The following TLCD4 variants were observed in gnomAD, a reference collection of about 807,000 sequenced individuals.
TLCD4 encodes TLC domain containing 4.
In TLCD4, 7 loss-of-function variants were observed where a neutral mutation model predicts 24.2. The ratio of observed to expected loss-of-function variants is 0.29; its 90% CI spans 0.16 to 0.54. The LOEUF (loss-of-function observed/expected upper bound fraction) is 0.54. TLCD4 is among the 20% of genes least tolerant of loss of function. The probability of loss-of-function intolerance (pLI) is 0.95; values close to 1 mark genes in which losing one functional copy is unlikely to be tolerated. For synonymous variants in TLCD4, 103 were observed against 106.4 expected (o/e 0.97, Z 0.20); for missense variants, 259 against 313.9 (o/e 0.82, Z 1.32).
intron 5 of TLCD4, among the ~76,000 whole-genome samples, chr1:95,167,531 G>A (rs1158301642): frequency 2.0e-5 from 3 of 152,036 alleles, no homozygotes; most frequent in African/African-American, 7.2e-5. Flanking sequence ...GGGGTCCAGG[G>A]TCTAAAACCC....
At chr1:95,179,650 C>T (rs1678563775) in intron 6 of TLCD4, among the ~76,000 whole-genome samples, 1 of 152,174 alleles carries the variant, frequency 6.6e-6, no homozygotes, top group African/African-American at 2.4e-5. Context: ...GAGCCTACAA[C>T]ATAGCTTAAG....
At chr1:95,102,753 A>G in the TLCD4 span, among the ~76,000 whole-genome samples, 1 of 152,166 alleles carries the variant, frequency 6.6e-6, no homozygotes, top group Non-Finnish European at 1.5e-5. Flanking sequence ...CAAAAGGTTA[A>G]TTGCAAAATT....
At chr1:95,156,144 A>G (rs1372278630) in intron 5 of TLCD4, among the ~76,000 whole-genome samples, 1 of 151,968 alleles carries the variant, frequency 6.6e-6, no homozygotes, top group Non-Finnish European at 1.5e-5. Flanking sequence ...TGCAGTTTAT[A>G]TAAGTTTTAC....
At chr1:95,106,791 G>C in the TLCD4 span, among the ~76,000 whole-genome samples, 1 of 152,166 alleles carries the variant, frequency 6.6e-6, no homozygotes, top group Non-Finnish European at 1.5e-5. Flanking sequence ...GGATGGCAAT[G>C]GGTAATTTTC....
rs1415539733 is a variant in TLCD4 at position 95,150,275 on chromosome 1, G to A, written c.304+9G>A. ...AGGCTACCTCATTTCTGGTATGTGA[G>A]ATGTTGTTTTATTGTCTAATTCCTT... On this transcript the variant is annotated intron_variant, in intron 4 of 6. Transcript: ENST00000370203. 1 of 1,609,668 alleles carries A rather than the reference G, an allele frequency of 6.2e-7. No individual in the cohort carries two copies. Among genetic ancestry groups the A allele is most frequent in the Non-Finnish European group, 8.5e-7 (1 of 1,179,276 alleles).
rs147949107 is a variant in TLCD4 at position 95,193,122 on chromosome 1, C to G, written c.*1254C>G. The stretch of plus-strand genomic sequence containing the variant: ...ATTATGCTCCTGAAATAGGCCTCTT[C>G]TTGATGAGACCCAAACTATTACAAA... On this transcript the variant is annotated 3_prime_UTR_variant, in exon 7 of 7. Coordinates refer to ENST00000370203, the MANE Select transcript of TLCD4 (RefSeq NM_152487.3). 1.3e-5 allele frequency: 2 copies of G among 152,208 alleles called. No individual in the cohort carries two copies. The highest frequency in any genetic ancestry group is 3.9e-4 in the East Asian group (2 of 5,190). 9.4% of individuals were successfully genotyped at this position (152,208 alleles called of 1,614,324 possible). A position where few individuals can be genotyped will look rare whatever the true frequency, so the allele number is the denominator to read the frequency against.
the TLCD4 span, among the ~76,000 whole-genome samples, chr1:95,106,458 T>C: frequency 4.6e-5 from 7 of 152,336 alleles, no homozygotes; most frequent in South Asian, 1.4e-3. Context: ...CCTACCACTT[T>C]GGCAGGCCGA....
At chr1:95,153,632 C>G (rs574819094) in intron 5 of TLCD4, among the ~76,000 whole-genome samples, 12 of 152,114 alleles carry the variant, frequency 7.9e-5, no homozygotes, top group African/African-American at 1.4e-4. Context: ...CCAATTCACA[C>G]GTAGTTTGCC....
At chr1:95,109,483 A>G in the TLCD4 span, among the ~76,000 whole-genome samples, 2 of 139,530 alleles carry the variant, frequency 1.4e-5, no homozygotes. Context: ...TTCTCATGTA[A>G]GTTTTGCATT....
chr1:95,149,832 C>A, intron 3 of TLCD4, among the ~76,000 whole-genome samples: 2 of 152,188 alleles, frequency 1.3e-5, no homozygotes, highest in East Asian at 3.9e-4. Flanking sequence ...ATGATTTACT[C>A]CAGGTCAAAT....
intron 5 of TLCD4, among the ~76,000 whole-genome samples, chr1:95,171,852 A>G (rs1476222229): frequency 3.3e-5 from 5 of 152,230 alleles, no homozygotes; most frequent in Admixed American, 1.3e-4. Flanking sequence ...CTTAGAATGT[A>G]ACCTCAGTTG....
chr1:95,117,889 A>G (rs1394314706), intron 1 of TLCD4: 2 of 150,628 alleles, frequency 1.3e-5, no homozygotes, highest in Admixed American at 6.6e-5. Flanking sequence ...TCCGGGAGCA[A>G]ATGGTGTCCC....
chr1:95,189,410 G>C (rs1195166218), intron 6 of TLCD4, among the ~76,000 whole-genome samples: 3 of 152,072 alleles, frequency 2.0e-5, no homozygotes, highest in African/African-American at 7.2e-5. Context: ...CTAATTGATT[G>C]TTTAAAATTT....
At chr1:95,172,035 G>T (rs1313318998) in intron 5 of TLCD4, among the ~76,000 whole-genome samples, 2 of 152,198 alleles carry the variant, frequency 1.3e-5, no homozygotes, top group Non-Finnish European at 2.9e-5. Flanking sequence ...CCAAGGAACT[G>T]CAGGAAGCTG....
chr1:95,169,058 G>T (rs1286682256), intron 5 of TLCD4, among the ~76,000 whole-genome samples: 2 of 152,220 alleles, frequency 1.3e-5, no homozygotes, highest in African/African-American at 2.4e-5. Context: ...TTTCTGAGAA[G>T]TAGGGAGCTA....
At chr1:95,116,955 A>G (rs1443560056), upstream of TLCD4, among the ~76,000 whole-genome samples, 1 of 152,220 alleles carries the variant, frequency 6.6e-6, no homozygotes, top group Admixed American at 6.5e-5. Context: ...AAAAACCAGC[A>G]GTTGCCTTTT....
At chr1:95,146,569 CT>C (rs561824229) in intron 2 of TLCD4, among the ~76,000 whole-genome samples, 2 of 151,898 alleles carry the variant, frequency 1.3e-5, no homozygotes, top group South Asian at 4.1e-4. Flanking sequence ...AATATTTTAT[CT>C]TGGGTAATAT....
At chr1:95,185,735 A>G (rs1221476300) in intron 6 of TLCD4, among the ~76,000 whole-genome samples, 1 of 152,258 alleles carries the variant, frequency 6.6e-6, no homozygotes, top group African/African-American at 2.4e-5. Context: ...AGAATATAGT[A>G]TATAATGCAA....
chr1:95,178,983 C>G (rs931635384), intron 6 of TLCD4, among the ~76,000 whole-genome samples: 2 of 152,084 alleles, frequency 1.3e-5, no homozygotes, highest in Non-Finnish European at 2.9e-5. Context: ...TTTGATCCAG[C>G]ATTAGGTTCT....
Sources: gnomAD v4.1 joint callset for allele counts (sites outside exome capture counted in the v4.1 genomes callset) on GRCh38, gnomAD v4.1.1 for gene constraint, MANE v1.5 for transcripts, NCBI Gene and HGNC (gene_info 2026-07-23, HGNC 2026-07-21) for gene names.